The following ACSL4 variants were observed in gnomAD, a reference collection of about 807,000 sequenced individuals.
ACSL4 encodes long-chain-fatty-acid--CoA ligase 4.
Under a neutral mutation model 49.1 loss-of-function variants are expected in ACSL4, and 9 were observed. The observed-to-expected ratio is 0.18, with a 90% CI of 0.11 to 0.32. ACSL4 has a LOEUF of 0.32. Ranked by LOEUF, ACSL4 falls within the 10% of genes least tolerant of loss-of-function variation. The pLI is 1.00. For missense variants in ACSL4, 333 were observed against 493.7 expected (o/e 0.67, Z 3.08); for synonymous variants, 191 against 170.3 (o/e 1.12, Z -0.95).
intron 1 of ACSL4, among the ~76,000 whole-genome samples, chrX:109,697,298 C>A (rs1389654577): frequency 8.9e-6 from 1 of 111,810 alleles, no homozygotes; most frequent in African/African-American, 3.2e-5. Flanking sequence ...CAGCAGTATT[C>A]ACTACTACTT....
At chrX:109,699,783 A>G (rs5943416) in intron 1 of ACSL4, among the ~76,000 whole-genome samples, 45,459 of 110,545 alleles carry the variant, frequency 0.41, 8,064 homozygotes, top group Middle Eastern at 0.62. Flanking sequence ...TAAAAATTGT[A>G]TACTTAAAAT....
At chrX:109,645,004 C>T (rs749144674) in intron 15 of ACSL4, among the ~76,000 whole-genome samples, 4 of 113,040 alleles carry the variant, frequency 3.5e-5, no homozygotes, top group African/African-American at 1.3e-4. Flanking sequence ...TAGCCCGCAC[C>T]TGGCTCGGAG....
intron 15 of ACSL4, among the ~76,000 whole-genome samples, chrX:109,657,374 C>CA (rs751042605): frequency 1.1e-4 from 12 of 108,350 alleles, no homozygotes; most frequent in Non-Finnish European, 2.3e-4. Context: ...CCCGTCCCCC[C>CA]ACCCCACAAC....
At chrX:109,672,575 T>G (rs1268510695) in intron 9 of ACSL4, among the ~76,000 whole-genome samples, 2 of 111,380 alleles carry the variant, frequency 1.8e-5, no homozygotes, top group Admixed American at 1.9e-4. Context: ...AATCTTTCAT[T>G]CTGACCCAGG....
At chrX:109,693,051 A>G (rs1459626271) in intron 2 of ACSL4, among the ~76,000 whole-genome samples, 1 of 111,490 alleles carries the variant, frequency 9.0e-6, no homozygotes, top group Non-Finnish European at 1.9e-5. Context: ...GAATTTTACA[A>G]CTATGCCTTT....
At chrX:109,730,525 T>A (rs1484650881) in intron 1 of ACSL4, among the ~76,000 whole-genome samples, 3 of 112,029 alleles carry the variant, frequency 2.7e-5, no homozygotes, top group African/African-American at 9.7e-5. Context: ...TCTCTCCACA[T>A]GCCCCCCAAC....
chrX:109,668,545 A>G lies in ACSL4; in HGVS notation c.1143-272T>C, dbSNP rs766939973. ...GAAAACAGACATCAGAGGTAAAAAA[A>G]TTTTAATTATCTTTGGAACATTTAA... On this transcript the variant is annotated intron_variant, in intron 10 of 15. Transcript: ENST00000672401. Among the ~76,000 whole-genome samples the G allele has an allele frequency of 5.7e-3, 636 of 111,900 alleles. 6 individuals are homozygous for G. Among genetic ancestry groups the G allele is most frequent in the African/African-American group, 0.018 (545 of 30,763 alleles).
chrX:109,676,091 G>A, intron 8 of ACSL4, among the ~76,000 whole-genome samples: 1 of 111,277 alleles, frequency 9.0e-6, no homozygotes, highest in East Asian at 2.8e-4. Flanking sequence ...ATCCAATGTG[G>A]TAATGACCAG....
chrX:109,727,096 A>C (rs181608028), intron 1 of ACSL4, among the ~76,000 whole-genome samples: 5 of 111,532 alleles, frequency 4.5e-5, no homozygotes, highest in Non-Finnish European at 9.4e-5. Context: ...GATTTTTAAA[A>C]TATATTCTTA....
chrX:109,646,411 C>T (rs1450198768), intron 15 of ACSL4, among the ~76,000 whole-genome samples: 2 of 110,462 alleles, frequency 1.8e-5, no homozygotes, highest in East Asian at 5.6e-4. Context: ...ATTTCATATC[C>T]GGCCAAACTA....
rs184899195 is a variant in ACSL4 at position 109,718,837 on chromosome X, C to T, written c.-66+14302G>A. On this transcript the variant is annotated intron_variant, in intron 1 of 15. Coordinates refer to ENST00000672401, the MANE Select transcript of ACSL4 (RefSeq NM_001318510.2). The stretch of plus-strand genomic sequence containing the variant: ...TATGTCTCTTAAGTACAGACTAGAT[C>T]TCAGATTATTGGTTTTTAAAATTCA... Among the ~76,000 whole-genome samples, 4 of 110,778 alleles carry T rather than the reference C, an allele frequency of 3.6e-5. No individual in the cohort carries two copies. The East Asian group carries it at 1.1e-3, about 31-fold the overall frequency.
At position 109,682,770 on chromosome X, in the gene ACSL4, T is replaced by C. The variant is rs778391227; in HGVS notation, c.355A>G (p.Arg119Gly). 8 of 1,211,857 alleles carry C rather than the reference T, an allele frequency of 6.6e-6. No individual in the cohort carries two copies. Among genetic ancestry groups the C allele is most frequent in the Non-Finnish European group, 8.9e-6 (8 of 895,514 alleles). Residue 119 changes from arginine (R) to glycine (G), a missense_variant, in exon 4 of 16, where the codon AGG becomes GGG. Around this residue, in one of 3 missense-constraint regions of ACSL4, gnomAD observed 157 missense variants for 201.1 expected, o/e 0.78. Coordinates refer to ENST00000672401, the MANE Select transcript of ACSL4 (RefSeq NM_001318510.2). ...KNTIAIFCET[R>G]AEWMIAAQTC... ...TGTGCTGCAATCATCCATTCGGCCC[T>C]GGTCTCACAGAAGATGGCAATGGTG...
At position 109,642,110 on chromosome X, in the gene ACSL4, G is replaced by A. The variant is rs1934461333; in HGVS notation, c.*1919C>T. 9.0e-6 allele frequency: 1 copy of A among 111,490 alleles called. No homozygotes were observed. Among genetic ancestry groups the A allele is most frequent in the East Asian group, 2.8e-4 (1 of 3,590 alleles). 9.2% of individuals were successfully genotyped at this position (111,490 alleles called of 1,213,427 possible). On this transcript the variant is annotated 3_prime_UTR_variant, in exon 16 of 16. Coordinates refer to ENST00000672401, the MANE Select transcript of ACSL4 (RefSeq NM_001318510.2). ...CTAAAGGACCTATAACAGATCAGTTGGCAGTGTTCTAGCTTTTGGGAGTTG... is the reference window on the plus strand; with the variant it reads ...CTAAAGGACCTATAACAGATCAGTTAGCAGTGTTCTAGCTTTTGGGAGTTG...
intron 1 of ACSL4, among the ~76,000 whole-genome samples, chrX:109,710,245 C>T (rs1926657236): frequency 8.9e-6 from 1 of 112,325 alleles, no homozygotes; most frequent in African/African-American, 3.2e-5. Context: ...TGTATCCTAA[C>T]TTTCATCCCA....
chrX:109,657,172 C>A (rs1192827148), intron 15 of ACSL4, among the ~76,000 whole-genome samples: 1 of 111,767 alleles, frequency 8.9e-6, no homozygotes, highest in Non-Finnish European at 1.9e-5. Flanking sequence ...TACACACAAC[C>A]GCCTGCTGGA....
rs767944316 is a variant in ACSL4, at chrX:109,728,102, T to G, written c.-66+5037A>C. 1.2e-4 allele frequency among the ~76,000 whole-genome samples: 13 copies of G among 112,691 alleles called. 3 individuals are homozygous for G. Among genetic ancestry groups the G allele is most frequent in the South Asian group, 1.1e-3 (3 of 2,771 alleles). Reference sequence around the variant, plus strand: ...ATTAATCACTAACCTTTTCCTATAATTCCTTCTCATATGAGCACATACATT... The same window carrying G: ...ATTAATCACTAACCTTTTCCTATAAGTCCTTCTCATATGAGCACATACATT... On this transcript the variant is annotated intron_variant, in intron 1 of 15. Transcript: ENST00000672401.
rs1927987828 is a variant in ACSL4, at chrX:109,726,315, C to T, written c.-66+6824G>A. On this transcript the variant is annotated intron_variant, in intron 1 of 15. Transcript: ENST00000672401. ...GTGGGCACCTATAATCCCAGCTACT[C>T]GGGAGGCTAAGGCAGGAGAATTGCT... Among the ~76,000 whole-genome samples, 6 of 111,419 alleles carry T rather than the reference C, an allele frequency of 5.4e-5. No individual in the cohort carries two copies. The South Asian group carries it at 2.2e-3, about 41-fold the overall frequency.
intron 1 of ACSL4, among the ~76,000 whole-genome samples, chrX:109,697,180 C>T (rs1925502352): frequency 1.8e-5 from 2 of 112,825 alleles, no homozygotes; most frequent in Admixed American, 9.4e-5. Context: ...CATCTGAATA[C>T]TTGGAATAAT....
intron 1 of ACSL4, among the ~76,000 whole-genome samples, chrX:109,710,019 C>T (rs2147514566): frequency 9.0e-6 from 1 of 111,634 alleles, no homozygotes; most frequent in Non-Finnish European, 1.9e-5. Context: ...GCAGGAGAAT[C>T]GCTTGAACCC....
Sources: gnomAD v4.1 joint callset for allele counts (sites outside exome capture counted in the v4.1 genomes callset) on GRCh38, gnomAD v4.1.1 for gene constraint, gnomAD v4.1.1 regional missense constraint, MANE v1.5 for transcripts, NCBI Gene and HGNC (gene_info 2026-07-23, HGNC 2026-07-21) for gene names.